Variants in DLG2 observed in about 807,000 individuals in gnomAD.
DLG2 encodes the protein discs large MAGUK scaffold protein 2.
DLG2 carries 45 observed loss-of-function variants against 132.5 expected under a neutral mutation model. The observed-to-expected ratio is 0.34, with a 90% CI of 0.27 to 0.44. The LOEUF is 0.44. Ranked by LOEUF, DLG2 falls within the 20% of genes least tolerant of loss-of-function variation. DLG2 has a pLI of 1.00. For synonymous variants in DLG2, 424 were observed against 419.6 expected, an observed-to-expected ratio of 1.01 and a Z score of -0.13; for missense variants, 1,045 against 1,196.9, an observed-to-expected ratio of 0.87 and a Z score of 1.87.
At chr11:84,640,040 C>A in intron 6 of DLG2, 3 of 276,056 alleles carry the variant, frequency 1.1e-5, no homozygotes, top group South Asian at 5.0e-5. Flanking sequence ...CAGAAAATGT[C>A]AACGTTACTC....
chr11:84,297,650 TATACA>T (rs1020936506), intron 7 of DLG2, among the ~76,000 whole-genome samples: 2 of 152,128 alleles, frequency 1.3e-5, no homozygotes, highest in African/African-American at 4.8e-5. Context: ...ATTCTCACTG[TATACA>T]ATACATCATC....
At chr11:84,653,860 T>C (rs1164503045) in intron 6 of DLG2, among the ~76,000 whole-genome samples, 2 of 152,154 alleles carry the variant, frequency 1.3e-5, no homozygotes, top group Non-Finnish European at 2.9e-5. Flanking sequence ...TAGTAGCTTA[T>C]TGTCTCTTCT....
chr11:84,265,987 A>T (rs1252016033), intron 7 of DLG2, among the ~76,000 whole-genome samples: 1 of 152,202 alleles, frequency 6.6e-6, no homozygotes. Context: ...GTTCTGTAAC[A>T]AATAAGCTTG....
intron 6 of DLG2, among the ~76,000 whole-genome samples, chr11:84,719,119 C>T (rs2061520070): frequency 1.3e-5 from 2 of 152,104 alleles, no homozygotes; most frequent in South Asian, 4.1e-4. Context: ...CTAGGCATAG[C>T]CAATATAAGA....
Position 83,679,116 on chromosome 11 carries a change from G to C in DLG2, c.1826-45791C>G, listed in dbSNP as rs75503489. 9.3e-3 allele frequency among the ~76,000 whole-genome samples: 1,410 copies of C among 152,144 alleles called. 24 individuals carry two copies. Among genetic ancestry groups the C allele is most frequent in the African/African-American group, 0.032 (1,330 of 41,508 alleles). ...TCGTGTGGATCCTGAAATCAGACAG[G>C]CGTGGGTTTAAATCCTAGCACTGCT... On this transcript the variant is annotated intron_variant, in intron 18 of 27. Transcript: ENST00000376104.
intron 3 of DLG2, among the ~76,000 whole-genome samples, chr11:85,353,788 T>C (rs2152886137): frequency 6.6e-6 from 1 of 151,846 alleles, no homozygotes; most frequent in South Asian, 2.1e-4. Flanking sequence ...AATTCAACAG[T>C]GAGAGCACTT....
At chr11:84,411,683 C>A (rs2098905399) in intron 7 of DLG2, among the ~76,000 whole-genome samples, 1 of 152,006 alleles carries the variant, frequency 6.6e-6, no homozygotes, top group Admixed American at 6.6e-5. Flanking sequence ...TTGTAAGGTG[C>A]AGAGAACATA....
At chr11:84,346,035 A>G (rs2098537927) in intron 7 of DLG2, among the ~76,000 whole-genome samples, 1 of 152,254 alleles carries the variant, frequency 6.6e-6, no homozygotes, top group African/African-American at 2.4e-5. Context: ...TTATCAAAGC[A>G]GTCATCAGAA....
In DLG2 at chr11:83,743,449, T is replaced by TTTTTTTTTTTTTTTTTTTTTTA. The variant is rs1555372680; in HGVS notation, c.1825+43240_1825+43241insTAAAAAAAAAAAAAAAAAAAAA. 1.8e-3 allele frequency among the ~76,000 whole-genome samples: 220 copies of TTTTTTTTTTTTTTTTTTTTTTA among 124,048 alleles called. 45 individuals are homozygous for TTTTTTTTTTTTTTTTTTTTTTA. The highest frequency in any genetic ancestry group is 7.5e-3 in the African/African-American group (181 of 24,096). 81.4% of individuals were successfully genotyped at this position (124,048 alleles called of 152,430 possible). A position where few individuals can be genotyped will look rare whatever the true frequency, so the allele number is the denominator to read the frequency against. On this transcript the variant is annotated intron_variant, in intron 18 of 27. Transcript: ENST00000376104. The stretch of plus-strand genomic sequence containing the variant: ...AGGCCATTTTTTTTTTTTTTTTTTT[T>TTTTTTTTTTTTTTTTTTTTTTA]ATGACAGGGTCTCACTTTGTCACCC...
intron 4 of DLG2, among the ~76,000 whole-genome samples, chr11:85,257,282 G>A (rs545747559): frequency 2.0e-4 from 31 of 152,332 alleles, no homozygotes; most frequent in African/African-American, 7.5e-4. Context: ...TCAAACCTCT[G>A]AGGGGTAATA....
chr11:83,646,389 G>A (rs902678498), intron 18 of DLG2, among the ~76,000 whole-genome samples: 1 of 150,886 alleles, frequency 6.6e-6, no homozygotes, highest in Non-Finnish European at 1.5e-5. Flanking sequence ...AAGGAAGGAA[G>A]GGAGGGAGGG....
chr11:85,448,338 C>T (rs1259765512), intron 3 of DLG2, among the ~76,000 whole-genome samples: 3 of 152,074 alleles, frequency 2.0e-5, no homozygotes, highest in African/African-American at 7.2e-5. Context: ...CTCAATTCTC[C>T]TTGAGCATTC....
chr11:84,206,378 C>T (rs2096665493), intron 8 of DLG2, among the ~76,000 whole-genome samples: 1 of 151,956 alleles, frequency 6.6e-6, no homozygotes, highest in Non-Finnish European at 1.5e-5. Context: ...CAAAGGAAAA[C>T]ATCCCAAGTC....
At chr11:85,583,087 GAT>G (rs1565717062) in intron 3 of DLG2, among the ~76,000 whole-genome samples, 1 of 51,196 alleles carries the variant, frequency 2.0e-5, no homozygotes, top group African/African-American at 7.5e-5. Flanking sequence ...TAATATATGT[GAT>G]GTGTGTGTGT....
chr11:83,987,002 T>C (rs1592428449), intron 11 of DLG2, among the ~76,000 whole-genome samples: 2 of 152,084 alleles, frequency 1.3e-5, no homozygotes. Flanking sequence ...TTCTCCCATT[T>C]TGTAGGTTGC....
chr11:83,668,302 C>T (rs778249326), intron 18 of DLG2, among the ~76,000 whole-genome samples: 5 of 152,066 alleles, frequency 3.3e-5, no homozygotes, highest in Admixed American at 6.5e-5. Flanking sequence ...TCAATTCTTC[C>T]TCTCCAGGCT....
intron 7 of DLG2, among the ~76,000 whole-genome samples, chr11:84,474,769 C>A (rs1271076619): frequency 1.3e-5 from 2 of 151,906 alleles, no homozygotes; most frequent in South Asian, 2.1e-4. Context: ...TTGTTTAAGT[C>A]CAATTTTTAA....
intron 7 of DLG2, among the ~76,000 whole-genome samples, chr11:84,527,492 G>T (rs900863611): frequency 2.0e-4 from 31 of 152,044 alleles, no homozygotes; most frequent in African/African-American, 7.2e-4. Flanking sequence ...GTGCCCAGTT[G>T]TCTCAGGGTA....
At chr11:84,445,915 CAAAAAAAAAAAA>C (rs58758315) in intron 7 of DLG2, among the ~76,000 whole-genome samples, 2 of 59,836 alleles carry the variant, frequency 3.3e-5, no homozygotes, top group African/African-American at 1.2e-4. Flanking sequence ...GACTTCGCCT[CAAAAAAAAAAAA>C]AAAAAAAAAA....
Sources: gnomAD v4.1 joint callset for allele counts (sites outside exome capture counted in the v4.1 genomes callset) on GRCh38, gnomAD v4.1.1 for gene constraint, MANE v1.5 for transcripts, NCBI Gene and HGNC (gene_info 2026-07-23, HGNC 2026-07-21) for gene names.